Variants in EYS observed in about 807,000 individuals in gnomAD.
The protein encoded by EYS is EGF-like photoreceptor maintenance factor, also known as protein eyes shut homolog.
Under a neutral mutation model 282.1 loss-of-function variants are expected in EYS, and 250 were observed. The observed-to-expected ratio is 0.89, with a 90% CI of 0.80 to 0.98. The LOEUF (loss-of-function observed/expected upper bound fraction) is 0.98. Among genes scored for constraint, EYS ranks in the 50% least tolerant of loss-of-function variants. EYS has a pLI of 0.00. For synonymous variants in EYS, 1,355 were observed against 1,282.9 expected, an observed-to-expected ratio of 1.06 and a Z score of -1.20; for missense variants, 4,016 against 3,709.0, an observed-to-expected ratio of 1.08 and a Z score of -2.15.
At chr6:65,344,652 T>C (rs1383003243) in intron 9 of EYS, among the ~76,000 whole-genome samples, 1 of 151,648 alleles carries the variant, frequency 6.6e-6, no homozygotes, top group South Asian at 2.1e-4. Flanking sequence ...AAAATGATTA[T>C]ATTAAACTTT....
chr6:65,693,385 C>T (rs1242718084), intron 1 of EYS, among the ~76,000 whole-genome samples: 1 of 139,774 alleles, frequency 7.2e-6, no homozygotes, highest in African/African-American at 2.6e-5. Flanking sequence ...CAAAAGCAAA[C>T]AATCTTCTTT....
chr6:64,948,588 A>G (rs1386639905), intron 14 of EYS, among the ~76,000 whole-genome samples: 1 of 146,900 alleles, frequency 6.8e-6, no homozygotes, highest in East Asian at 2.0e-4. Flanking sequence ...AATATTAAGT[A>G]ATTATTAAAT....
rs1033539949 is a variant in EYS, at chr6:65,090,486, C to A, written c.2024-32759G>T. On this transcript the variant is annotated intron_variant, in intron 12 of 42. Transcript: ENST00000503581. ...CAGTGTGAAAATGGACTAATACACT[C>A]ACCAAATACAGTAAGGTCTTTGTGG... is the stretch of plus-strand genomic sequence containing the variant. Among the ~76,000 whole-genome samples, 17 of 152,098 alleles carry A rather than the reference C, an allele frequency of 1.1e-4. 1 individual carries two copies. The highest frequency in any genetic ancestry group is 9.8e-4 in the Admixed American group (15 of 15,264).
chr6:64,280,342 C>A (rs1768261650), intron 30 of EYS, among the ~76,000 whole-genome samples: 2 of 151,958 alleles, frequency 1.3e-5, no homozygotes, highest in South Asian at 4.2e-4. Context: ...TTAACCTCAC[C>A]TAGATAAGAA....
intron 35 of EYS, among the ~76,000 whole-genome samples, chr6:63,969,739 C>G (rs923403970): frequency 1.3e-5 from 2 of 152,176 alleles, no homozygotes; most frequent in African/African-American, 4.8e-5. Context: ...TCTTCATCCC[C>G]CACAGGACCA....
chr6:64,979,152 C>T (rs1280921907), intron 14 of EYS, among the ~76,000 whole-genome samples: 1 of 151,690 alleles, frequency 6.6e-6, no homozygotes, highest in Non-Finnish European at 1.5e-5. Context: ...TCAACTGATG[C>T]ATTAGGAAAC....
intron 13 of EYS, among the ~76,000 whole-genome samples, chr6:65,009,899 A>G (rs1036614668): frequency 2.0e-5 from 3 of 152,230 alleles, no homozygotes; most frequent in African/African-American, 4.8e-5. Flanking sequence ...CCCTAAAGCA[A>G]CTAAGAGGTT....
chr6:64,787,160 A>G (rs1006497056), intron 22 of EYS, among the ~76,000 whole-genome samples: 7 of 152,186 alleles, frequency 4.6e-5, no homozygotes, highest in African/African-American at 1.4e-4. Flanking sequence ...CCCTTGTGCC[A>G]GTAGAATCTA....
intron 36 of EYS, among the ~76,000 whole-genome samples, chr6:63,849,643 G>T (rs1026201457): frequency 1.3e-5 from 2 of 152,106 alleles, no homozygotes; most frequent in Non-Finnish European, 2.9e-5. Flanking sequence ...CAACAAAAAG[G>T]ACACCCACAT....
At chr6:64,674,729 A>AAC (rs70999158) in intron 22 of EYS, among the ~76,000 whole-genome samples, 90,280 of 147,962 alleles carry the variant, frequency 0.61, 27,364 homozygotes, top group Admixed American at 0.69. Context: ...TTCTGTCATT[A>AAC]ACACACACAC....
At chr6:65,589,789 C>T (rs1582490891) in intron 2 of EYS, among the ~76,000 whole-genome samples, 1 of 151,966 alleles carries the variant, frequency 6.6e-6, no homozygotes, top group African/African-American at 2.4e-5. Context: ...ATTTTCCTGA[C>T]ATTTCTATTT....
At chr6:65,472,831 T>G (rs1443320667) in intron 5 of EYS, among the ~76,000 whole-genome samples, 5 of 152,006 alleles carry the variant, frequency 3.3e-5, no homozygotes, top group Non-Finnish European at 7.4e-5. Context: ...AAATATTGTC[T>G]TTATAAAATT....
intron 15 of EYS, among the ~76,000 whole-genome samples, chr6:64,919,459 T>C (rs1583293929): frequency 6.7e-6 from 1 of 149,798 alleles, no homozygotes; most frequent in Admixed American, 6.7e-5. Flanking sequence ...ATGGAGTATG[T>C]ATTCTAAATG....
At chr6:64,840,746 C>CT (rs1470104940) in intron 19 of EYS, among the ~76,000 whole-genome samples, 1 of 152,042 alleles carries the variant, frequency 6.6e-6, no homozygotes, top group Non-Finnish European at 1.5e-5. Flanking sequence ...TAAATGATTT[C>CT]TTTTTTATAA....
intron 38 of EYS, 69 bp downstream of exon 38, chr6:63,788,989 T>C: frequency 6.7e-7 from 1 of 1,482,534 alleles, no homozygotes; most frequent in East Asian, 2.5e-5. Flanking sequence ...CACCTCTGTA[T>C]CTTAGCACAG....
chr6:65,156,895 T>G (rs939730194), intron 12 of EYS, among the ~76,000 whole-genome samples: 24 of 150,998 alleles, frequency 1.6e-4, no homozygotes, highest in Non-Finnish European at 3.6e-4. Context: ...TCTGACAAAT[T>G]GGCATCCCAG....
chr6:65,433,926 T>C (rs1368369302), intron 5 of EYS, among the ~76,000 whole-genome samples: 1 of 152,228 alleles, frequency 6.6e-6, no homozygotes, highest in African/African-American at 2.4e-5. Flanking sequence ...ATACCTCTTC[T>C]TCAAATCACT....
At chr6:65,679,697 A>G (rs1437235177) in intron 1 of EYS, among the ~76,000 whole-genome samples, 1 of 151,968 alleles carries the variant, frequency 6.6e-6, no homozygotes, top group Non-Finnish European at 1.5e-5. Context: ...ATGTTGTGTG[A>G]GATTTTTTCA....
intron 28 of EYS, among the ~76,000 whole-genome samples, chr6:64,406,199 C>G (rs1773701560): frequency 6.6e-6 from 1 of 152,130 alleles, no homozygotes; most frequent in African/African-American, 2.4e-5. Context: ...CTGACAAAAA[C>G]AAGCAATAAG....
Sources: gnomAD v4.1 joint callset for allele counts (sites outside exome capture counted in the v4.1 genomes callset) on GRCh38, gnomAD v4.1.1 for gene constraint, MANE v1.5 for transcripts, NCBI Gene and HGNC (gene_info 2026-07-23, HGNC 2026-07-21) for gene names.